TMEM132D: variants seen among roughly 807,000 people sequenced by gnomAD.
TMEM132D encodes the protein transmembrane protein 132D.
In TMEM132D, 21 loss-of-function variants were observed where a neutral mutation model predicts 62.3. The observed-to-expected ratio is 0.34, with a 90% CI of 0.24 to 0.49. The LOEUF (loss-of-function observed/expected upper bound fraction) is 0.49, where lower values mean the gene tolerates loss of function less well. Ranked by LOEUF, TMEM132D falls within the 20% of genes least tolerant of loss-of-function variation. TMEM132D has a pLI of 0.99. For missense variants in TMEM132D, 1,346 were observed against 1,402.8 expected (o/e 0.96, Z 0.65); for synonymous variants, 621 against 575.6 (o/e 1.08, Z -1.13).
intron 1 of TMEM132D, among the ~76,000 whole-genome samples, chr12:129,786,752 T>G (rs1216101914): frequency 1.1e-4 from 17 of 152,100 alleles, no homozygotes. Flanking sequence ...TTGGCTGAGC[T>G]TGGTGGTACA....
chr12:129,409,474 G>GT (rs1283638042), intron 3 of TMEM132D, among the ~76,000 whole-genome samples: 2 of 152,144 alleles, frequency 1.3e-5, no homozygotes, highest in Non-Finnish European at 2.9e-5. Context: ...AACTTTCTAC[G>GT]TTTTTTAATC....
chr12:129,089,506 T>TGACCGGGGTGTCCTCC (rs1874828673), intron 5 of TMEM132D, among the ~76,000 whole-genome samples: 1 of 35,422 alleles, frequency 2.8e-5, no homozygotes, highest in African/African-American at 1.6e-4. Flanking sequence ...GGGTGTCCTC[T>TGACCGGGGTGTCCTCC]ATGACCGGGT....
At chr12:129,836,914 A>G (rs1021067427) in intron 1 of TMEM132D, among the ~76,000 whole-genome samples, 2 of 152,254 alleles carry the variant, frequency 1.3e-5, no homozygotes, top group Non-Finnish European at 2.9e-5. Context: ...CAGACTAATT[A>G]AGGCAATCAT....
chr12:129,081,825 G>C lies in TMEM132D; in HGVS notation c.1857C>G (p.Pro619=), dbSNP rs770911812. ...LINDFMQVEE[P]RIAKLQGGQI... ...GTCCGCCTTGCAGCTTGGCGATCCT[G>C]GGCTCCTCCACCTGCATGAAGTCAT... The change falls in exon 7 of 9, where the codon CCC becomes CCG. Residue 619 remains proline (P), a synonymous_variant. Coordinates refer to ENST00000422113, the MANE Select transcript of TMEM132D (RefSeq NM_133448.3). 6.2e-7 allele frequency: 1 copy of C among 1,613,440 alleles called. No individual in the cohort carries two copies. Among genetic ancestry groups the C allele is most frequent in the South Asian group, 1.1e-5 (1 of 91,056 alleles).
chr12:129,263,954 G>A (rs1880618960), intron 4 of TMEM132D, among the ~76,000 whole-genome samples: 1 of 152,178 alleles, frequency 6.6e-6, no homozygotes, highest in Non-Finnish European at 1.5e-5. Context: ...AAGATAGCGG[G>A]AAGATGCAGC....
chr12:129,584,608 C>T (rs1029306732), intron 2 of TMEM132D, among the ~76,000 whole-genome samples: 14 of 152,350 alleles, frequency 9.2e-5, no homozygotes, highest in African/African-American at 3.1e-4. Flanking sequence ...GCACCTCTGC[C>T]ATCCCAACGG....
chr12:129,820,447 G>A (rs1007569186), intron 1 of TMEM132D, among the ~76,000 whole-genome samples: 8 of 152,062 alleles, frequency 5.3e-5, no homozygotes, highest in East Asian at 1.9e-4. Context: ...CACACTCAGC[G>A]TGCGCATCCC....
At chr12:129,484,416 T>G (rs1874523562) in intron 3 of TMEM132D, among the ~76,000 whole-genome samples, 1 of 152,250 alleles carries the variant, frequency 6.6e-6, no homozygotes, top group Non-Finnish European at 1.5e-5. Flanking sequence ...ATTAAATGTC[T>G]GCTCCCTTGA....
intron 3 of TMEM132D, among the ~76,000 whole-genome samples, chr12:129,362,802 G>A (rs1385347722): frequency 6.6e-6 from 1 of 151,984 alleles, no homozygotes; most frequent in Non-Finnish European, 1.5e-5. Flanking sequence ...GAATTGGCAA[G>A]GAATGTAAGC....
chr12:129,422,001 G>A (rs543583581), intron 3 of TMEM132D, among the ~76,000 whole-genome samples: 9 of 150,764 alleles, frequency 6.0e-5, no homozygotes, highest in East Asian at 3.9e-4. Flanking sequence ...CTGTGCCTTC[G>A]CGGTCAAATC....
chr12:129,471,540 G>A (rs1434931699), intron 3 of TMEM132D, among the ~76,000 whole-genome samples: 1 of 152,134 alleles, frequency 6.6e-6, no homozygotes, highest in Admixed American at 6.5e-5. Flanking sequence ...ACAAACGACA[G>A]TAGTGAAATG....
At chr12:129,573,996 T>C (rs77314306) in intron 2 of TMEM132D, among the ~76,000 whole-genome samples, 2,078 of 151,974 alleles carry the variant, frequency 0.014, 81 homozygotes, top group African/African-American at 0.047. Flanking sequence ...GCCCGGGTGA[T>C]GATCTTTGTC....
intron 3 of TMEM132D, among the ~76,000 whole-genome samples, chr12:129,523,540 G>A (rs1875920222): frequency 6.6e-6 from 1 of 152,214 alleles, no homozygotes; most frequent in African/African-American, 2.4e-5. Context: ...AGCCACGGCA[G>A]CTCCGGCTAG....
chr12:129,515,923 G>GT (rs1282996101), intron 3 of TMEM132D, among the ~76,000 whole-genome samples: 1 of 152,158 alleles, frequency 6.6e-6, no homozygotes, highest in Non-Finnish European at 1.5e-5. Flanking sequence ...CTTTTCTCTT[G>GT]TTAATCTGTC....
In TMEM132D at chr12:129,445,326, G is replaced by A. The variant is rs1419633970; in HGVS notation, c.1115+85733C>T. Among the ~76,000 whole-genome samples, 3 of 152,108 alleles carry A rather than the reference G, an allele frequency of 2.0e-5. No individual in the cohort carries two copies. In the South Asian group the frequency reaches 6.2e-4, roughly 32 times the overall value. ...CCTATGGGAGGGTGGAGTGTGGGAG[G>A]AAGGAGAGAATCAAGAAAAATAACT... On this transcript the variant is annotated intron_variant, in intron 3 of 8. Transcript: ENST00000422113.
intron 4 of TMEM132D, among the ~76,000 whole-genome samples, chr12:129,310,488 A>G (rs1881947424): frequency 6.6e-6 from 1 of 152,200 alleles, no homozygotes. Context: ...ACCGGAAAGG[A>G]AAGTACTGTG....
At chr12:129,149,725 C>T (rs1336831854) in intron 5 of TMEM132D, among the ~76,000 whole-genome samples, 1 of 152,324 alleles carries the variant, frequency 6.6e-6, no homozygotes, top group South Asian at 2.1e-4. Context: ...CTGCCTCACT[C>T]ACTCCAAGAA....
At chr12:129,199,820 A>G (rs1042444695) in intron 5 of TMEM132D, among the ~76,000 whole-genome samples, 1 of 151,998 alleles carries the variant, frequency 6.6e-6, no homozygotes. Context: ...CATGGGAAAG[A>G]CCCGCCCCCA....
chr12:129,854,187 T>C (rs773509487), intron 1 of TMEM132D, among the ~76,000 whole-genome samples: 16 of 152,288 alleles, frequency 1.1e-4, no homozygotes, highest in Non-Finnish European at 2.1e-4. Flanking sequence ...GCTTAAACAG[T>C]GGTCCCTGGG....
Sources: allele counts gnomAD v4.1 joint callset (sites outside exome capture counted in the v4.1 genomes callset), GRCh38; gene constraint gnomAD v4.1.1; transcripts MANE v1.5; gene names NCBI Gene and HGNC (gene_info 2026-07-23, HGNC 2026-07-21).